Variants in DGKB observed in about 807,000 individuals in gnomAD.
DGKB encodes diacylglycerol kinase beta.
Under a neutral mutation model 114.3 loss-of-function variants are expected in DGKB, and 67 were observed. That is an observed-to-expected ratio of 0.59 (90% confidence interval 0.48 to 0.72). The LOEUF (loss-of-function observed/expected upper bound fraction) is 0.72. DGKB is among the 30% of genes least tolerant of loss of function. The probability of loss-of-function intolerance (pLI) is 0.00; values close to 1 mark genes in which losing one functional copy is unlikely to be tolerated. For synonymous variants in DGKB, 398 were observed against 323.1 expected (o/e 1.23, Z -2.49); for missense variants, 907 against 975.2 (o/e 0.93, Z 0.93).
At chr7:14,592,295 TTC>T (rs34476444) in intron 17 of DGKB, among the ~76,000 whole-genome samples, 69,650 of 151,398 alleles carry the variant, frequency 0.46, 16,128 homozygotes, top group Middle Eastern at 0.5. Flanking sequence ...ATGTCATCAA[TTC>T]TCTTTTTCCT....
At chr7:14,634,909 T>C (rs1161630404) in intron 13 of DGKB, among the ~76,000 whole-genome samples, 1 of 151,560 alleles carries the variant, frequency 6.6e-6, no homozygotes, top group Non-Finnish European at 1.5e-5. Context: ...GGACGTGAGA[T>C]AAAAATGATT....
rs539292843 is a variant in DGKB at position 14,926,104 on chromosome 7, T to C, written c.-188+48592A>G. Among the ~76,000 whole-genome samples the C allele has an allele frequency of 2.6e-4, 39 of 152,230 alleles. No homozygotes were observed. The East Asian group carries it at 3.7e-3, about 14-fold the overall frequency. ...GTTTGCAGGGAGTTTTTATCATGAA[T>C]AGATTTTTTTCAAACACTTTTTTTG... On this transcript the variant is annotated intron_variant, in intron 1 of 4. Transcript: ENST00000437998.
chr7:14,635,392 A>G (rs73053233), intron 13 of DGKB, among the ~76,000 whole-genome samples: 1,643 of 151,482 alleles, frequency 0.011, 14 homozygotes, highest in Admixed American at 0.017. Context: ...AAAACATATC[A>G]AAGATAGAAA....
chr7:14,538,712 C>G (rs1390610908), intron 20 of DGKB, among the ~76,000 whole-genome samples: 1 of 152,076 alleles, frequency 6.6e-6, no homozygotes, highest in African/African-American at 2.4e-5. Context: ...TCACAATAGC[C>G]AAGACATGAA....
In DGKB at chr7:14,192,988, G is replaced by T. The variant is rs145514132; in HGVS notation, c.2123-14837C>A. On this transcript the variant is annotated intron_variant, in intron 23 of 25. Transcript: ENST00000402815. The stretch of plus-strand genomic sequence containing the variant: ...TGCACTCCTATGAGAATCTAATGCA[G>T]ATGCTGATTTGACAGGAGTCTGAGC... Among the ~76,000 whole-genome samples the T allele has an allele frequency of 4.8e-3, 723 of 152,172 alleles. 3 individuals are homozygous for T. The highest frequency in any genetic ancestry group is 0.015 in the African/African-American group (638 of 41,524).
chr7:14,722,009 T>C (rs1356663769), intron 5 of DGKB, among the ~76,000 whole-genome samples: 1 of 152,186 alleles, frequency 6.6e-6, no homozygotes, highest in Non-Finnish European at 1.5e-5. Context: ...CTACTTCTGT[T>C]TATAAAGTTA....
intron 2 of DGKB, among the ~76,000 whole-genome samples, chr7:14,781,359 A>T (rs926573495): frequency 6.6e-6 from 1 of 152,202 alleles, no homozygotes; most frequent in Non-Finnish European, 1.5e-5. Flanking sequence ...AGAAATTAGT[A>T]TTCTTTACAC....
chr7:14,485,132 A>G (rs1482588355), intron 20 of DGKB, among the ~76,000 whole-genome samples: 1 of 143,740 alleles, frequency 7.0e-6, no homozygotes, highest in African/African-American at 2.6e-5. Flanking sequence ...ACACACACAC[A>G]CACAATCAGT....
chr7:14,805,169 G>T (rs1562581756), intron 2 of DGKB, among the ~76,000 whole-genome samples: 2 of 152,022 alleles, frequency 1.3e-5, no homozygotes, highest in Non-Finnish European at 2.9e-5. Flanking sequence ...TTATGTTAGT[G>T]AATTGCTATT....
chr7:14,358,539 G>A (rs1302068950), intron 21 of DGKB, among the ~76,000 whole-genome samples: 1 of 152,106 alleles, frequency 6.6e-6, no homozygotes, highest in Non-Finnish European at 1.5e-5. Flanking sequence ...TGACATGATT[G>A]TATATTTAGA....
intron 1 of DGKB, among the ~76,000 whole-genome samples, chr7:14,937,737 C>T (rs1785349817): frequency 6.6e-6 from 1 of 151,738 alleles, no homozygotes; most frequent in Admixed American, 6.6e-5. Flanking sequence ...TTTCTTCTGC[C>T]TCTGCTACCC....
At chr7:14,921,743 G>A (rs1234575363) in intron 1 of DGKB, among the ~76,000 whole-genome samples, 2 of 152,104 alleles carry the variant, frequency 1.3e-5, no homozygotes, top group Admixed American at 1.3e-4. Context: ...GCCCAAGAGT[G>A]GAAGGCAAGA....
At chr7:14,561,123 G>A (rs886664528) in intron 20 of DGKB, among the ~76,000 whole-genome samples, 5 of 152,084 alleles carry the variant, frequency 3.3e-5, no homozygotes, top group Non-Finnish European at 4.4e-5. Flanking sequence ...CCCAGTGGAA[G>A]GTAACTGAAT....
chr7:14,254,773 C>T (rs1354640521), intron 23 of DGKB, among the ~76,000 whole-genome samples: 1 of 152,046 alleles, frequency 6.6e-6, no homozygotes, highest in Non-Finnish European at 1.5e-5. Context: ...AGTGTGTGAT[C>T]AAGTATATTC....
intron 20 of DGKB, among the ~76,000 whole-genome samples, chr7:14,524,294 G>A (rs566344199): frequency 4.6e-5 from 7 of 151,974 alleles, no homozygotes; most frequent in South Asian, 2.1e-4. Context: ...TTCTCTCTCC[G>A]GGATTAGGTA....
At chr7:14,270,220 G>A (rs1338544074) in intron 23 of DGKB, among the ~76,000 whole-genome samples, 1 of 152,164 alleles carries the variant, frequency 6.6e-6, no homozygotes, top group Non-Finnish European at 1.5e-5. Context: ...CATAGGCTAT[G>A]CTCTCCGTTT....
chr7:14,595,580 T>C lies in DGKB; in HGVS notation c.1433+11854A>G, dbSNP rs377519297. 8.6e-5 allele frequency among the ~76,000 whole-genome samples: 13 copies of C among 151,084 alleles called. No homozygotes were observed. The East Asian group carries it at 2.1e-3, about 25-fold the overall frequency. On this transcript the variant is annotated intron_variant, in intron 17 of 25. Transcript: ENST00000402815. ...TGCAAAATAAATGTGTACAAACTTT[T>C]ATAAAAGTGATGTATATATATAAAT...
chr7:14,576,595 G>C (rs909680288), intron 19 of DGKB, among the ~76,000 whole-genome samples: 1 of 152,008 alleles, frequency 6.6e-6, no homozygotes, highest in Non-Finnish European at 1.5e-5. Flanking sequence ...ACAATTAGCA[G>C]AAATACTAGT....
intron 20 of DGKB, among the ~76,000 whole-genome samples, chr7:14,509,981 C>T (rs1316300094): frequency 6.6e-6 from 1 of 152,114 alleles, no homozygotes; most frequent in East Asian, 1.9e-4. Flanking sequence ...GGAGACCATC[C>T]TGGCTGACAC....
Sources: gnomAD v4.1 joint callset for allele counts (sites outside exome capture counted in the v4.1 genomes callset) on GRCh38, gnomAD v4.1.1 for gene constraint, MANE v1.5 for transcripts, NCBI Gene and HGNC (gene_info 2026-07-23, HGNC 2026-07-21) for gene names.